The following CCDC91 variants were observed in gnomAD, a reference collection of about 807,000 sequenced individuals.
The protein encoded by CCDC91 is coiled-coil domain containing 91.
Under a neutral mutation model 63.2 loss-of-function variants are expected in CCDC91, and 48 were observed. The observed-to-expected ratio is 0.76, with a 90% CI of 0.60 to 0.97. The LOEUF is 0.97. Among genes scored for constraint, CCDC91 ranks in the 50% least tolerant of loss-of-function variants. The pLI is 0.00. For missense variants in CCDC91, 500 were observed against 494.6 expected, an observed-to-expected ratio of 1.01 and a Z score of -0.10; for synonymous variants, 167 against 165.8, an observed-to-expected ratio of 1.01 and a Z score of -0.06.
intron 12 of CCDC91, among the ~76,000 whole-genome samples, chr12:28,527,625 G>GC (rs1193704553): frequency 3.9e-5 from 6 of 152,070 alleles, no homozygotes; most frequent in Non-Finnish European, 7.4e-5. Flanking sequence ...TGGGAGTATG[G>GC]GGGGGGAACA....
intron 12 of CCDC91, among the ~76,000 whole-genome samples, chr12:28,494,010 T>A (rs1284470558): frequency 1.3e-5 from 2 of 151,730 alleles, no homozygotes; most frequent in Non-Finnish European, 2.9e-5. Context: ...TCAGGTCACA[T>A]TTGTTTTTTC....
At chr12:28,489,284 C>A (rs1951877664) in intron 12 of CCDC91, among the ~76,000 whole-genome samples, 1 of 151,866 alleles carries the variant, frequency 6.6e-6, no homozygotes, top group Non-Finnish European at 1.5e-5. Context: ...TATTATAATA[C>A]ATCATATCTG....
chr12:28,402,600 A>G (rs1387309769), intron 8 of CCDC91, among the ~76,000 whole-genome samples: 1 of 149,626 alleles, frequency 6.7e-6, no homozygotes, highest in Non-Finnish European at 1.5e-5. Flanking sequence ...AAAAAAAAAA[A>G]AATTATTTCT....
intron 11 of CCDC91, among the ~76,000 whole-genome samples, chr12:28,462,882 A>G (rs574628558): frequency 2.0e-4 from 30 of 152,274 alleles, no homozygotes; most frequent in Admixed American, 7.2e-4. Context: ...GGAGCATTTC[A>G]GGAAAGGCTC....
At chr12:28,202,801 C>T (rs11610011) in intron 1 of CCDC91, among the ~76,000 whole-genome samples, 39,755 of 152,142 alleles carry the variant, frequency 0.26, 5,468 homozygotes, top group Non-Finnish European at 0.31. Context: ...ATCAAAATCC[C>T]CTATTGACAT....
chr12:28,435,838 C>T (rs1259576729), intron 8 of CCDC91, among the ~76,000 whole-genome samples: 3 of 151,554 alleles, frequency 2.0e-5, no homozygotes, highest in African/African-American at 7.3e-5. Flanking sequence ...GGAAATTGAC[C>T]CCTTTATCAT....
At chr12:28,199,278 C>T (rs1262051516) in intron 1 of CCDC91, among the ~76,000 whole-genome samples, 1 of 149,432 alleles carries the variant, frequency 6.7e-6, no homozygotes, top group Admixed American at 6.8e-5. Flanking sequence ...ACAAATAGTA[C>T]CTTATTTTAT....
intron 8 of CCDC91, among the ~76,000 whole-genome samples, chr12:28,428,835 T>C (rs1948476415): frequency 6.6e-6 from 1 of 152,138 alleles, no homozygotes; most frequent in Non-Finnish European, 1.5e-5. Flanking sequence ...ATAAGGTTTT[T>C]GTGAGTGAAC....
At chr12:28,383,436 G>A (rs1244572244) in intron 7 of CCDC91, among the ~76,000 whole-genome samples, 1 of 152,048 alleles carries the variant, frequency 6.6e-6, no homozygotes, top group Non-Finnish European at 1.5e-5. Context: ...AATTTGGAAG[G>A]GAGAACTTGT....
chr12:28,397,953 A>C (rs1343708063), intron 8 of CCDC91, among the ~76,000 whole-genome samples: 1 of 152,106 alleles, frequency 6.6e-6, no homozygotes, highest in Non-Finnish European at 1.5e-5. Context: ...ATTCCCTTAG[A>C]GTTACAAGTA....
intron 8 of CCDC91, among the ~76,000 whole-genome samples, chr12:28,420,310 G>A (rs1214506283): frequency 6.6e-6 from 1 of 152,080 alleles, no homozygotes; most frequent in African/African-American, 2.4e-5. Flanking sequence ...AACTCTTCTA[G>A]ACAGGTTTAG....
At chr12:28,205,616 A>G (rs967714026) in intron 1 of CCDC91, among the ~76,000 whole-genome samples, 4 of 152,194 alleles carry the variant, frequency 2.6e-5, no homozygotes, top group Non-Finnish European at 5.9e-5. Flanking sequence ...CAAAAAAGAA[A>G]TGACATACAG....
chr12:28,252,004 A>C (rs539318405), intron 1 of CCDC91, among the ~76,000 whole-genome samples: 3 of 152,268 alleles, frequency 2.0e-5, no homozygotes, highest in African/African-American at 4.8e-5. Flanking sequence ...GAGACTTTAC[A>C]GGTGTGAACA....
intron 8 of CCDC91, among the ~76,000 whole-genome samples, chr12:28,439,726 C>CTT (rs1949085856): frequency 7.7e-6 from 1 of 129,704 alleles, no homozygotes; most frequent in African/African-American, 2.6e-5. Flanking sequence ...TTTTTTCTTT[C>CTT]TTTTTTCTTT....
intron 3 of CCDC91, among the ~76,000 whole-genome samples, chr12:28,275,651 T>A (rs1379462281): frequency 6.6e-6 from 1 of 152,080 alleles, no homozygotes; most frequent in Non-Finnish European, 1.5e-5. Context: ...TACCAAAGTC[T>A]GGCAGAGACA....
chr12:28,528,048 G>C (rs1218043824), intron 12 of CCDC91, among the ~76,000 whole-genome samples: 1 of 152,124 alleles, frequency 6.6e-6, no homozygotes, highest in Non-Finnish European at 1.5e-5. Context: ...AAGTAAGCAG[G>C]GCTTTCCTTC....
At chr12:28,467,166 G>A (rs1465260026) in intron 11 of CCDC91, among the ~76,000 whole-genome samples, 1 of 151,954 alleles carries the variant, frequency 6.6e-6, no homozygotes, top group Non-Finnish European at 1.5e-5. Flanking sequence ...ATCAAAAGCT[G>A]TAAACTGGCT....
At chr12:28,282,499 G>A (rs1011426690) in intron 3 of CCDC91, among the ~76,000 whole-genome samples, 2 of 151,902 alleles carry the variant, frequency 1.3e-5, no homozygotes, top group Non-Finnish European at 2.9e-5. Flanking sequence ...TTTTCTTTAT[G>A]CACTTGTTGG....
chr12:28,348,321 A>G (rs1942952747), intron 6 of CCDC91, among the ~76,000 whole-genome samples: 2 of 152,120 alleles, frequency 1.3e-5, no homozygotes, highest in African/African-American at 2.4e-5. Flanking sequence ...AACAGTTCCT[A>G]CTGGCATTAT....
Sources: allele counts gnomAD v4.1 joint callset (sites outside exome capture counted in the v4.1 genomes callset), GRCh38; gene constraint gnomAD v4.1.1; transcripts MANE v1.5; gene names NCBI Gene and HGNC (gene_info 2026-07-23, HGNC 2026-07-21).